EYS: variants seen among roughly 807,000 people sequenced by gnomAD.
EYS encodes protein eyes shut homolog.
Under a neutral mutation model 282.1 loss-of-function variants are expected in EYS, and 250 were observed. The ratio of observed to expected loss-of-function variants is 0.89; its 90% CI spans 0.80 to 0.98. EYS has a LOEUF of 0.98. EYS is among the 50% of genes least tolerant of loss of function. The pLI is 0.00. For synonymous variants in EYS, 1,355 were observed against 1,282.9 expected (o/e 1.06, Z -1.20); for missense variants, 4,016 against 3,709.0 (o/e 1.08, Z -2.15).
Position 64,066,460 on chromosome 6 carries a change from A to G in EYS, c.6603T>C (p.Leu2201=). The part of the protein sequence containing the change: ...SNGNNCGKQF[L]HLFLVEGRPS... ...GCCTTCCTTCCACAAGAAATAAATG[A>G]AGAAACTGCTTTCCACAATTATTCC... Residue 2201 remains leucine, a synonymous_variant, in exon 33 of 43, where the codon CTT becomes CTC. Transcript: ENST00000503581. 1.9e-6 allele frequency: 3 copies of G among 1,545,836 alleles called. No individual in the cohort carries two copies. The highest frequency in any genetic ancestry group is 2.6e-6 in the Non-Finnish European group (3 of 1,142,044).
chr6:64,011,334 G>A (rs1768614810), intron 33 of EYS, among the ~76,000 whole-genome samples: 1 of 152,078 alleles, frequency 6.6e-6, no homozygotes, highest in Non-Finnish European at 1.5e-5. Context: ...AAAAATGAAA[G>A]ATCAAACTAA....
intron 12 of EYS, among the ~76,000 whole-genome samples, chr6:65,252,635 G>T (rs1379195011): frequency 6.6e-6 from 1 of 151,938 alleles, no homozygotes; most frequent in Non-Finnish European, 1.5e-5. Context: ...ATCAATAGAT[G>T]CCCATGTTTA....
At chr6:65,385,541 TA>T (rs1431290040) in intron 7 of EYS, among the ~76,000 whole-genome samples, 1 of 151,968 alleles carries the variant, frequency 6.6e-6, no homozygotes, top group Non-Finnish European at 1.5e-5. Context: ...TAATTACTTT[TA>T]CACAATTTTC....
At chr6:63,867,318 C>A (rs1772692821) in intron 35 of EYS, among the ~76,000 whole-genome samples, 1 of 151,994 alleles carries the variant, frequency 6.6e-6, no homozygotes, top group Non-Finnish European at 1.5e-5. Context: ...TATATCTTTT[C>A]ATCCCTAAAT....
chr6:65,215,907 C>T (rs940056686), intron 12 of EYS, among the ~76,000 whole-genome samples: 1 of 152,138 alleles, frequency 6.6e-6, no homozygotes, highest in East Asian at 1.9e-4. Flanking sequence ...GCTATACATA[C>T]TGTTTTTGTA....
chr6:64,193,691 C>T (rs1765188122), intron 31 of EYS, among the ~76,000 whole-genome samples: 2 of 152,020 alleles, frequency 1.3e-5, no homozygotes, highest in Admixed American at 6.6e-5. Context: ...TGATGTTCCC[C>T]ACCCTGTGTC....
chr6:65,311,728 C>A (rs1769166473), intron 11 of EYS, among the ~76,000 whole-genome samples: 1 of 152,196 alleles, frequency 6.6e-6, no homozygotes, highest in African/African-American at 2.4e-5. Context: ...CCTACTAATA[C>A]AATATTTATC....
intron 41 of EYS, among the ~76,000 whole-genome samples, chr6:63,741,319 A>G (rs1385796441): frequency 1.3e-5 from 2 of 152,190 alleles, no homozygotes; most frequent in Non-Finnish European, 2.9e-5. Context: ...ACCATCTAGT[A>G]AAAAAGAAAA....
chr6:65,085,857 A>T (rs142390629), intron 12 of EYS, among the ~76,000 whole-genome samples: 128 of 151,842 alleles, frequency 8.4e-4, no homozygotes, highest in African/African-American at 2.9e-3. Flanking sequence ...TCTTTCTCCA[A>T]CTCTATACTT....
At position 64,626,149 on chromosome 6, in the gene EYS, G is replaced by A; in HGVS notation, c.3540C>T (p.Ile1180=). 6.5e-7 allele frequency: 1 copy of A among 1,545,942 alleles called. No homozygotes were observed. ...CLHGADCEDH[I]NGYVCKCQPG... is the part of the protein sequence containing the mutation. ...GTTGGCATTTGCAAACATATCCATT[G>A]ATGTGATCTTCACAGTCTGCACCAT... The change falls in exon 23 of 43, where the codon ATC becomes ATT. Residue 1180 remains isoleucine, a synonymous_variant. Coordinates refer to ENST00000503581, the MANE Select transcript of EYS (RefSeq NM_001142800.2).
chr6:63,945,842 G>C (rs1765379562), intron 35 of EYS, among the ~76,000 whole-genome samples: 1 of 152,154 alleles, frequency 6.6e-6, no homozygotes, highest in Non-Finnish European at 1.5e-5. Context: ...ACTGGTTTAT[G>C]AGTAAACACC....
At chr6:65,170,194 A>G (rs1765071196) in intron 12 of EYS, among the ~76,000 whole-genome samples, 2 of 151,440 alleles carry the variant, frequency 1.3e-5, no homozygotes, top group African/African-American at 4.8e-5. Flanking sequence ...ACATACACAC[A>G]TACAAATACA....
intron 22 of EYS, among the ~76,000 whole-genome samples, chr6:64,757,110 A>T (rs1772965222): frequency 6.6e-6 from 1 of 152,100 alleles, no homozygotes; most frequent in South Asian, 2.1e-4. Flanking sequence ...TCTTCAATAT[A>T]TTTTTCTATC....
chr6:64,456,048 A>G (rs969756686), intron 26 of EYS, among the ~76,000 whole-genome samples: 28 of 152,126 alleles, frequency 1.8e-4, no homozygotes, highest in African/African-American at 6.8e-4. Flanking sequence ...TTGATGATTG[A>G]CATTGCCTTT....
intron 31 of EYS, among the ~76,000 whole-genome samples, chr6:64,091,110 C>A (rs995729896): frequency 2.0e-5 from 3 of 152,190 alleles, no homozygotes; most frequent in Middle Eastern, 3.4e-3. Context: ...TTTGAACATT[C>A]ATTAATTTTG....
chr6:63,988,860 A>G (rs1042786320), intron 34 of EYS, among the ~76,000 whole-genome samples: 1 of 151,676 alleles, frequency 6.6e-6, no homozygotes, highest in South Asian at 2.1e-4. Context: ...TAAAGGAAGA[A>G]TATAGTTATT....
chr6:64,510,897 T>C (rs1777370582), intron 26 of EYS, among the ~76,000 whole-genome samples: 1 of 152,036 alleles, frequency 6.6e-6, no homozygotes, highest in South Asian at 2.1e-4. Flanking sequence ...GTTGATAGTC[T>C]TTGTATCCCA....
At chr6:65,330,176 A>G (rs1769745035) in intron 11 of EYS, 1 of 979,766 alleles carries the variant, frequency 1.0e-6, no homozygotes, top group Non-Finnish European at 1.2e-6. Flanking sequence ...GTATAATCTT[A>G]CCTATGTATA....
At chr6:64,296,886 T>C (rs1368059146) in intron 30 of EYS, among the ~76,000 whole-genome samples, 1 of 152,150 alleles carries the variant, frequency 6.6e-6, no homozygotes, top group East Asian at 1.9e-4. Context: ...ATTACAGGCA[T>C]GAGCCACCAC....
Sources: allele counts gnomAD v4.1 joint callset (sites outside exome capture counted in the v4.1 genomes callset), GRCh38; gene constraint gnomAD v4.1.1; transcripts MANE v1.5; gene names NCBI Gene and HGNC (gene_info 2026-07-23, HGNC 2026-07-21).